Variants in MYRIP observed in about 807,000 individuals in gnomAD.
MYRIP encodes rab effector MyRIP.
In MYRIP, 49 loss-of-function variants were observed where a neutral mutation model predicts 98.0. The ratio of observed to expected loss-of-function variants is 0.50; its 90% CI spans 0.40 to 0.63. MYRIP has a LOEUF of 0.63. Among genes scored for constraint, MYRIP ranks in the 30% least tolerant of loss-of-function variants. MYRIP has a pLI of 0.00. For missense variants in MYRIP, 1,004 were observed against 1,058.2 expected (o/e 0.95, Z 0.71); for synonymous variants, 404 against 409.5 (o/e 0.99, Z 0.16).
chr3:40,167,101 G>T, intron 6 of MYRIP, 58 bp from the exon 7 acceptor site: 1 of 1,557,166 alleles, frequency 6.4e-7, no homozygotes, highest in Non-Finnish European at 8.9e-7. Flanking sequence ...CTGGCAAAGT[G>T]ACTGCCAAGT....
At chr3:40,083,076 A>G (rs1948515388) in intron 3 of MYRIP, among the ~76,000 whole-genome samples, 1 of 152,256 alleles carries the variant, frequency 6.6e-6, no homozygotes, top group Non-Finnish European at 1.5e-5. Flanking sequence ...ACAGGAATTT[A>G]GTCATTCATT....
intron 4 of MYRIP, 96 bp downstream of exon 4, chr3:40,151,280 G>T (rs1416219453): frequency 2.3e-6 from 3 of 1,331,592 alleles, no homozygotes; most frequent in Non-Finnish European, 3.0e-6. Context: ...ACTCACCTGG[G>T]ACAGATAAAT....
At position 39,857,814 on chromosome 3, in the gene MYRIP, A is replaced by G. The variant is rs1273043184; in HGVS notation, c.-30-42973A>G. ...ATCAAAATTAAATTGTTATAAGCTT[A>G]AAATAGGATATTATAGCTATAAGGT... On this transcript the variant is annotated intron_variant, in intron 1 of 16. Transcript: ENST00000302541. Among the ~76,000 whole-genome samples, 5 of 152,192 alleles carry G rather than the reference A, an allele frequency of 3.3e-5. No individual in the cohort carries two copies. The South Asian group carries it at 1.0e-3, about 32-fold the overall frequency.
In MYRIP at chr3:40,251,996, G is replaced by A; in HGVS notation, c.2544G>A (p.Leu848=). The part of the protein sequence containing the change: ...TKERKGTTKD[L]MEPALESAVM... ...AAAGGAAAGGCACCACCAAGGATTTGATGGTAAATGTCATCTCTGTCTTAA... is the reference window on the plus strand; with the variant it reads ...AAAGGAAAGGCACCACCAAGGATTTAATGGTAAATGTCATCTCTGTCTTAA... The change falls in exon 16 of 17, where the codon TTG becomes TTA. Residue 848 remains leucine (L), a synonymous_variant. Coordinates refer to ENST00000302541, the MANE Select transcript of MYRIP (RefSeq NM_015460.4). 6.3e-7 allele frequency: 1 copy of A among 1,594,366 alleles called. No individual in the cohort carries two copies. Among genetic ancestry groups the A allele is most frequent in the South Asian group, 1.1e-5 (1 of 90,610 alleles).
At chr3:40,171,456 T>C (rs540173763) in intron 8 of MYRIP, among the ~76,000 whole-genome samples, 6 of 152,188 alleles carry the variant, frequency 3.9e-5, no homozygotes, top group Non-Finnish European at 8.8e-5. Context: ...GCTGCAGGCA[T>C]GACATCACCT....
intron 2 of MYRIP, among the ~76,000 whole-genome samples, chr3:39,940,820 C>T (rs868123309): frequency 1.3e-5 from 2 of 151,756 alleles, no homozygotes; most frequent in African/African-American, 4.8e-5. Flanking sequence ...AAATTTATGA[C>T]AATATAGAAA....
At chr3:40,189,626 G>C (rs1204314488) in intron 9 of MYRIP, among the ~76,000 whole-genome samples, 200 bp from the exon 10 acceptor site, 2 of 152,190 alleles carry the variant, frequency 1.3e-5, no homozygotes, top group Non-Finnish European at 2.9e-5. Flanking sequence ...GAAGCACTGG[G>C]ACCCTTTGAG....
intron 2 of MYRIP, among the ~76,000 whole-genome samples, chr3:39,948,270 C>T (rs1028769458): frequency 6.6e-6 from 1 of 152,012 alleles, no homozygotes; most frequent in East Asian, 1.9e-4. Flanking sequence ...CATCCTGGGA[C>T]TCAAAAAATT....
At chr3:40,211,002 C>T (rs1193324152) in intron 11 of MYRIP, among the ~76,000 whole-genome samples, 1 of 151,042 alleles carries the variant, frequency 6.6e-6, no homozygotes, top group African/African-American at 2.4e-5. Context: ...CTCCTCTGTG[C>T]GTGTGCCTGT....
At chr3:40,058,854 T>A (rs1947939534) in intron 3 of MYRIP, among the ~76,000 whole-genome samples, 1 of 152,164 alleles carries the variant, frequency 6.6e-6, no homozygotes, top group South Asian at 2.1e-4. Flanking sequence ...TACATAGGTA[T>A]ATATGTGCCA....
intron 2 of MYRIP, among the ~76,000 whole-genome samples, chr3:39,997,097 G>T (rs1946379395): frequency 6.6e-6 from 1 of 152,086 alleles, no homozygotes; most frequent in Non-Finnish European, 1.5e-5. Flanking sequence ...ATCTAAAATG[G>T]ACACCCTAAC....
intron 4 of MYRIP, among the ~76,000 whole-genome samples, chr3:40,159,756 C>T (rs1001280803): frequency 1.3e-5 from 2 of 152,190 alleles, no homozygotes; most frequent in Admixed American, 6.5e-5. Flanking sequence ...CATCTTCCAT[C>T]ACTGATACCC....
intron 8 of MYRIP, among the ~76,000 whole-genome samples, chr3:40,177,221 G>A (rs1053122468): frequency 3.3e-5 from 5 of 152,152 alleles, no homozygotes; most frequent in African/African-American, 1.2e-4. Context: ...ACACTCATCT[G>A]CATCACCTGC....
At chr3:40,029,346 T>C (rs1947207910) in intron 2 of MYRIP, among the ~76,000 whole-genome samples, 1 of 152,208 alleles carries the variant, frequency 6.6e-6, no homozygotes, top group Non-Finnish European at 1.5e-5. Flanking sequence ...TAGTTTTCAC[T>C]TACAATTCTG....
intron 13 of MYRIP, 143 bp downstream of exon 13, chr3:40,244,750 G>C (rs1173526365): frequency 1.1e-6 from 1 of 910,150 alleles, no homozygotes; most frequent in African/African-American, 1.7e-5. Flanking sequence ...CCTTCCAGAT[G>C]GATTCCACCA....
intron 1 of MYRIP, among the ~76,000 whole-genome samples, chr3:39,827,281 T>A (rs991514044): frequency 6.6e-6 from 1 of 152,144 alleles, no homozygotes; most frequent in African/African-American, 2.4e-5. Flanking sequence ...CCCAGCTTTT[T>A]AAAAATTTCT....
chr3:39,831,495 T>C (rs957564737), intron 1 of MYRIP, among the ~76,000 whole-genome samples: 2 of 152,332 alleles, frequency 1.3e-5, no homozygotes, highest in East Asian at 1.9e-4. Context: ...ATACATTTAT[T>C]TGTGGCTTAA....
intron 3 of MYRIP, among the ~76,000 whole-genome samples, chr3:40,150,627 C>T (rs1356481047): frequency 1.3e-5 from 2 of 152,322 alleles, no homozygotes; most frequent in East Asian, 3.9e-4. Context: ...TATTGGCTTG[C>T]TCTTTGGAGT....
At chr3:39,952,255 C>A (rs1389804042) in intron 2 of MYRIP, among the ~76,000 whole-genome samples, 1 of 152,270 alleles carries the variant, frequency 6.6e-6, no homozygotes, top group East Asian at 1.9e-4. Flanking sequence ...ACATAGTAGT[C>A]TATCACATGG....
Sources: gnomAD v4.1 joint callset for allele counts (sites outside exome capture counted in the v4.1 genomes callset) on GRCh38, gnomAD v4.1.1 for gene constraint, MANE v1.5 for transcripts, NCBI Gene and HGNC (gene_info 2026-07-23, HGNC 2026-07-21) for gene names.